Variants in NTNG1 observed in about 807,000 individuals in gnomAD.
NTNG1 encodes netrin G1.
A neutral mutation model predicts 54.0 loss-of-function variants in NTNG1; 16 were observed. The observed-to-expected ratio is 0.30, with a 90% CI of 0.20 to 0.45. The LOEUF (loss-of-function observed/expected upper bound fraction) is 0.45. NTNG1 is among the 20% of genes least tolerant of loss of function. The pLI is 1.00. For missense variants in NTNG1, 530 were observed against 678.7 expected (o/e 0.78, Z 2.43); for synonymous variants, 255 against 263.1 (o/e 0.97, Z 0.30).
intron 7 of NTNG1, among the ~76,000 whole-genome samples, chr1:107,475,768 T>C (rs1678279266): frequency 6.6e-6 from 1 of 152,196 alleles, no homozygotes; most frequent in African/African-American, 2.4e-5. Context: ...GAAGTAATTC[T>C]TTGTTGTGGG....
intron 3 of NTNG1, among the ~76,000 whole-genome samples, chr1:107,356,327 T>C (rs930431608): frequency 6.6e-6 from 1 of 152,188 alleles, no homozygotes; most frequent in Non-Finnish European, 1.5e-5. Flanking sequence ...AGAGTCTTGC[T>C]CTGTCACCCA....
At chr1:107,305,250 C>T (rs940019040) in intron 2 of NTNG1, among the ~76,000 whole-genome samples, 1 of 152,036 alleles carries the variant, frequency 6.6e-6, no homozygotes, top group Admixed American at 6.6e-5. Flanking sequence ...GGGTATATAC[C>T]CAGTAATGGG....
chr1:107,354,506 C>G (rs1669824408), intron 3 of NTNG1, among the ~76,000 whole-genome samples: 1 of 151,296 alleles, frequency 6.6e-6, no homozygotes, highest in Non-Finnish European at 1.5e-5. Flanking sequence ...TTAAATCACC[C>G]CAAGTATTAT....
intron 2 of NTNG1, among the ~76,000 whole-genome samples, chr1:107,151,148 A>G (rs150979762): frequency 6.6e-6 from 1 of 152,342 alleles, no homozygotes; most frequent in East Asian, 1.9e-4. Context: ...TATGATAGGC[A>G]TAACAAATTT....
chr1:107,483,644 T>C lies in NTNG1; in HGVS notation c.*2804T>C, dbSNP rs1678862071. On this transcript the variant is annotated 3_prime_UTR_variant, in exon 8 of 8. Transcript: ENST00000370068. The stretch of plus-strand genomic sequence containing the variant: ...GAACAGGACTGGGGTGAAAAGCGGG[T>C]ACTCAGTTGTTCATATATTTGAGGT... Among the ~76,000 whole-genome samples the C allele has an allele frequency of 6.6e-6, 1 of 152,148 alleles. No homozygotes were observed. The highest frequency in any genetic ancestry group is 6.5e-5 in the Admixed American group (1 of 15,272).
chr1:107,446,389 A>G (rs1236722161), intron 7 of NTNG1, among the ~76,000 whole-genome samples: 1 of 152,140 alleles, frequency 6.6e-6, no homozygotes, highest in Non-Finnish European at 1.5e-5. Flanking sequence ...AGGATTGCTC[A>G]TGTTGGTGTA....
At chr1:107,167,855 G>C (rs984621653) in intron 2 of NTNG1, among the ~76,000 whole-genome samples, 4 of 151,676 alleles carry the variant, frequency 2.6e-5, no homozygotes, top group African/African-American at 9.7e-5. Flanking sequence ...TGTTAGTTAA[G>C]TAAGCATTTG....
intron 7 of NTNG1, among the ~76,000 whole-genome samples, chr1:107,447,884 A>G (rs1423106780): frequency 6.6e-6 from 1 of 152,130 alleles, no homozygotes; most frequent in African/African-American, 2.4e-5. Flanking sequence ...CACATTGCCC[A>G]AAGCATTCAC....
At chr1:107,328,367 A>G (rs2101890230) in intron 3 of NTNG1, among the ~76,000 whole-genome samples, 1 of 152,272 alleles carries the variant, frequency 6.6e-6, no homozygotes, top group African/African-American at 2.4e-5. Context: ...AATATCACTA[A>G]TGGAAGGTAC....
chr1:107,290,963 TTATA>T (rs71976757), intron 2 of NTNG1, among the ~76,000 whole-genome samples: 7,816 of 142,452 alleles, frequency 0.055, 224 homozygotes, highest in Middle Eastern at 0.075. Context: ...TATATATATA[TTATA>T]TATATATATA....
intron 4 of NTNG1, among the ~76,000 whole-genome samples, chr1:107,405,193 TA>T (rs1270140187): frequency 2.0e-5 from 3 of 149,590 alleles, no homozygotes; most frequent in Non-Finnish European, 4.4e-5. Flanking sequence ...ATTTGGACAT[TA>T]AAATAAGAAG....
At chr1:107,310,422 G>T (rs1410859261) in intron 2 of NTNG1, among the ~76,000 whole-genome samples, 1 of 152,040 alleles carries the variant, frequency 6.6e-6, no homozygotes, top group East Asian at 1.9e-4. Context: ...ATAGTGCTTG[G>T]CACATGACAG....
intron 2 of NTNG1, among the ~76,000 whole-genome samples, chr1:107,163,593 G>T (rs568597327): frequency 4.6e-5 from 7 of 152,168 alleles, no homozygotes; most frequent in African/African-American, 1.7e-4. Flanking sequence ...TCCAAGTAAG[G>T]TATTTAAAAT....
At chr1:107,340,296 G>C (rs1570716011) in intron 3 of NTNG1, among the ~76,000 whole-genome samples, 1 of 151,990 alleles carries the variant, frequency 6.6e-6, no homozygotes, top group African/African-American at 2.4e-5. Context: ...AACCAGTGGA[G>C]GTGGTTTCAG....
chr1:107,323,127 G>T (rs1262509719), intron 2 of NTNG1, among the ~76,000 whole-genome samples: 1 of 149,340 alleles, frequency 6.7e-6, no homozygotes, highest in Non-Finnish European at 1.5e-5. Context: ...AGGAAAGAAA[G>T]AAAGAAACCT....
At chr1:107,395,595 A>G in intron 4 of NTNG1, 1 of 589,370 alleles carries the variant, frequency 1.7e-6, no homozygotes, top group South Asian at 1.6e-5. Context: ...AGTGGATGAG[A>G]CAGGAGGTGA....
chr1:107,423,856 T>C (rs1309208503), intron 5 of NTNG1, among the ~76,000 whole-genome samples: 1 of 152,114 alleles, frequency 6.6e-6, no homozygotes, highest in Non-Finnish European at 1.5e-5. Flanking sequence ...CTTCAGGAAT[T>C]CAAACGATGA....
intron 2 of NTNG1, among the ~76,000 whole-genome samples, chr1:107,289,638 C>T (rs1665454170): frequency 6.6e-6 from 1 of 152,052 alleles, no homozygotes; most frequent in Non-Finnish European, 1.5e-5. Context: ...TATTCTAGTC[C>T]TTCTAGTCAC....
intron 2 of NTNG1, among the ~76,000 whole-genome samples, chr1:107,149,845 A>G (rs114788248): frequency 3.9e-5 from 6 of 152,208 alleles, no homozygotes; most frequent in Non-Finnish European, 8.8e-5. Context: ...ATATAATTGT[A>G]TGGCAGATTT....
Sources: allele counts gnomAD v4.1 joint callset (sites outside exome capture counted in the v4.1 genomes callset), GRCh38; gene constraint gnomAD v4.1.1; transcripts MANE v1.5; gene names NCBI Gene and HGNC (gene_info 2026-07-23, HGNC 2026-07-21).